SP140L: variants seen among roughly 807,000 people sequenced by gnomAD.
The protein encoded by SP140L is nuclear body protein SP140-like protein.
In SP140L, 64 loss-of-function variants were observed where a neutral mutation model predicts 84.3. The ratio of observed to expected loss-of-function variants is 0.76; its 90% confidence interval spans 0.62 to 0.94. The LOEUF (loss-of-function observed/expected upper bound fraction) is 0.94, where lower values mean the gene tolerates loss of function less well. SP140L is among the 40% of genes least tolerant of loss of function. The pLI, the probability that SP140L is intolerant of heterozygous loss-of-function variation, is 0.00. For missense variants in SP140L, 628 were observed against 692.5 expected (o/e 0.91, Z 1.05); for synonymous variants, 242 against 236.9 (o/e 1.02, Z -0.20).
intron 2 of SP140L, among the ~76,000 whole-genome samples, chr2:230,345,750 A>G (rs2060190840): frequency 6.6e-6 from 1 of 152,064 alleles, no homozygotes; most frequent in Admixed American, 6.6e-5. Context: ...ACCACATATA[A>G]AACTCTACAC....
At chr2:230,387,570 G>T (rs774615245) in intron 9 of SP140L, among the ~76,000 whole-genome samples, 1 of 152,122 alleles carries the variant, frequency 6.6e-6, no homozygotes, top group Non-Finnish European at 1.5e-5. Context: ...GGAATAAGTA[G>T]GTTGGAAAAT....
At position 230,403,370 on chromosome 2, in the gene SP140L, T is replaced by C. The variant is rs11676089; in HGVS notation, c.*474T>C. 0.26 allele frequency: 40,883 copies of C among 154,404 alleles called. 5,795 individuals are homozygous for C. The highest frequency in any genetic ancestry group is 0.31 in the Non-Finnish European group (21,376 of 69,780). 9.6% of individuals were successfully genotyped at this position (154,404 alleles called of 1,614,324 possible). On this transcript the variant is annotated 3_prime_UTR_variant, in exon 19 of 19. Transcript: ENST00000415673. ...AGTGCCTGCCACCATGCCCAGCTAA[T>C]TTTTTGCATTTTTAGTAGAGACGGG... is the stretch of plus-strand genomic sequence containing the variant.
At chr2:230,385,763 C>A (rs1253574747) in intron 9 of SP140L, among the ~76,000 whole-genome samples, 2 of 152,174 alleles carry the variant, frequency 1.3e-5, no homozygotes, top group African/African-American at 4.8e-5. Flanking sequence ...TATTAAAACT[C>A]CAATGTCCTC....
intron 2 of SP140L, among the ~76,000 whole-genome samples, chr2:230,342,349 G>A (rs565103565): frequency 3.3e-5 from 5 of 152,282 alleles, no homozygotes; most frequent in Non-Finnish European, 4.4e-5. Context: ...CCCTGCTTCC[G>A]CTCGCGCACG....
chr2:230,359,067 T>C lies in SP140L; in HGVS notation c.374T>C (p.Leu125Pro), dbSNP rs780979883. ...KTFNLSVLEA[L>P]FSEVNMQEYP... is the part of the protein sequence containing the mutation. Reference sequence around the variant, plus strand: ...TTTAACCTGTCAGTTTTGGAAGCACTGTTCAGCGAGGTCAACATGCAGGAA... The same window carrying C: ...TTTAACCTGTCAGTTTTGGAAGCACCGTTCAGCGAGGTCAACATGCAGGAA... Residue 125 changes from leucine to proline, a missense_variant, in exon 4 of 19, where the codon CTG becomes CCG. By Grantham distance (98) the Leu-to-Pro change is moderately conservative. This residue lies in a region of SP140L where 525 missense variants were observed against 518.4 expected (regional missense o/e 1.01). Transcript: ENST00000415673. 4.3e-6 allele frequency: 7 copies of C among 1,613,626 alleles called. No homozygotes were observed. The South Asian group carries it at 7.7e-5, about 18-fold the overall frequency.
At chr2:230,370,797 A>G (rs1018095588) in intron 5 of SP140L, 111 bp from the exon 6 acceptor site, 7 of 997,490 alleles carry the variant, frequency 7.0e-6, no homozygotes, top group South Asian at 4.3e-5. Context: ...CAGGGTGCAG[A>G]AAAGAGGGTT....
chr2:230,337,846 T>C (rs2059923003), intron 2 of SP140L, among the ~76,000 whole-genome samples: 1 of 152,166 alleles, frequency 6.6e-6, no homozygotes, highest in African/African-American at 2.4e-5. Context: ...TCTGTTCCGT[T>C]GATCTATATC....
chr2:230,342,433 A>AT (rs1355375495), intron 2 of SP140L, among the ~76,000 whole-genome samples: 1 of 152,224 alleles, frequency 6.6e-6, no homozygotes, highest in African/African-American at 2.4e-5. Flanking sequence ...TCAGATGGAA[A>AT]TGCAGAAATC....
At chr2:230,397,314 G>T (rs7585740) in intron 14 of SP140L, among the ~76,000 whole-genome samples, 33,859 of 152,174 alleles carry the variant, frequency 0.22, 4,212 homozygotes, top group Non-Finnish European at 0.29. Flanking sequence ...CCTGTCATTA[G>T]TCCTGTAAAG....
chr2:230,393,571 T>G (rs2061918248), intron 13 of SP140L, 110 bp downstream of exon 13: 1 of 1,250,376 alleles, frequency 8.0e-7, no homozygotes, highest in African/African-American at 1.6e-5. Flanking sequence ...AGCTTTCACC[T>G]TCTCCACTTC....
chr2:230,357,564 T>C (rs1239293430), intron 2 of SP140L, among the ~76,000 whole-genome samples: 2 of 152,204 alleles, frequency 1.3e-5, no homozygotes, highest in African/African-American at 4.8e-5. Flanking sequence ...ACAATGACTT[T>C]GTTCAGTTTA....
intron 12 of SP140L, among the ~76,000 whole-genome samples, chr2:230,392,774 A>G (rs1485401479): frequency 6.6e-6 from 1 of 152,198 alleles, no homozygotes; most frequent in Non-Finnish European, 1.5e-5. Flanking sequence ...CATTTAAAAC[A>G]GTATTTTAGA....
Position 230,333,750 on chromosome 2 carries a change from ATTTTTTGT to A in SP140L, c.107+4926_107+4933del, listed in dbSNP as rs2059790570. Among the ~76,000 whole-genome samples the A allele has an allele frequency of 2.1e-5, 3 of 145,592 alleles. No individual in the cohort carries two copies. In the South Asian group the frequency reaches 6.6e-4, roughly 32 times the overall value. On this transcript the variant is annotated intron_variant, in intron 2 of 18. Coordinates refer to ENST00000415673, the MANE Select transcript of SP140L (RefSeq NM_138402.6). ...GGTTTCCTAGGTTGATCCTCTAGAGATTTTTTGTTTTTTTTTCTTGACAATCTTGTATG... is the reference window on the plus strand; with the variant it reads ...GGTTTCCTAGGTTGATCCTCTAGAGATTTTTTTTCTTGACAATCTTGTATG...
chr2:230,327,379 C>A, intron 1 of SP140L, 78 bp downstream of exon 1: 1 of 1,524,248 alleles, frequency 6.6e-7, no homozygotes, highest in South Asian at 1.2e-5. Flanking sequence ...CAGTTTCTGT[C>A]TAAAGCTTCA....
chr2:230,401,284 G>A, intron 16 of SP140L, 82 bp from the exon 17 acceptor site: 2 of 1,610,168 alleles, frequency 1.2e-6, no homozygotes, highest in Non-Finnish European at 1.7e-6. Flanking sequence ...AGGAAGAAGG[G>A]TGTGAGTCGT....
At chr2:230,398,213 TC>T (rs773628095) in intron 14 of SP140L, among the ~76,000 whole-genome samples, 2 of 152,212 alleles carry the variant, frequency 1.3e-5, no homozygotes, top group Non-Finnish European at 2.9e-5. Context: ...AATTGCCTAT[TC>T]TGTCACCTAA....
chr2:230,381,780 T>G (rs1469671913), intron 7 of SP140L, among the ~76,000 whole-genome samples: 2 of 151,894 alleles, frequency 1.3e-5, no homozygotes, highest in East Asian at 3.9e-4. Context: ...CCGTGAATGC[T>G]TTAGGTCTTT....
At chr2:230,396,398 C>A (rs1265907250) in intron 13 of SP140L, among the ~76,000 whole-genome samples, 1 of 152,214 alleles carries the variant, frequency 6.6e-6, no homozygotes. Flanking sequence ...GCACTCAGAA[C>A]AAGAAGAGGT....
chr2:230,380,144 G>T (rs911110552), intron 7 of SP140L, among the ~76,000 whole-genome samples: 1 of 151,870 alleles, frequency 6.6e-6, no homozygotes, highest in African/African-American at 2.4e-5. Flanking sequence ...AAGGTGAAAG[G>T]CACGTCTTAC....
Sources: gnomAD v4.1 joint callset for allele counts (sites outside exome capture counted in the v4.1 genomes callset) on GRCh38, gnomAD v4.1.1 for gene constraint, gnomAD v4.1.1 regional missense constraint, MANE v1.5 for transcripts, NCBI Gene and HGNC (gene_info 2026-07-23, HGNC 2026-07-21) for gene names.